The following UROS variants were observed in gnomAD, a reference collection of about 807,000 sequenced individuals.
UROS encodes the protein uroporphyrinogen-III synthase.
In UROS, 18 loss-of-function variants were observed where a neutral mutation model predicts 33.0. The observed-to-expected ratio is 0.55, with a 90% confidence interval of 0.38 to 0.81. The LOEUF (loss-of-function observed/expected upper bound fraction) is 0.81, where lower values mean the gene tolerates loss of function less well. Among genes scored for constraint, UROS ranks in the 30% least tolerant of loss-of-function variants. The pLI, the probability that UROS is intolerant of heterozygous loss-of-function variation, is 0.00. For missense variants in UROS, 293 were observed against 314.9 expected (o/e 0.93, Z 0.53); for synonymous variants, 114 against 121.1 (o/e 0.94, Z 0.38).
At chr10:125,806,529 T>C (rs939337423) in intron 6 of UROS, among the ~76,000 whole-genome samples, 4 of 152,236 alleles carry the variant, frequency 2.6e-5, no homozygotes. Flanking sequence ...TTATTTCCTA[T>C]GGCTGCTCTC....
intron 8 of UROS, among the ~76,000 whole-genome samples, chr10:125,795,529 CATT>C (rs1851280135): frequency 1.3e-5 from 2 of 152,172 alleles, no homozygotes; most frequent in South Asian, 4.1e-4. Context: ...AAGAGCTATC[CATT>C]CTCCTGCCTG....
At chr10:125,817,761 G>C (rs747856085) in intron 1 of UROS, among the ~76,000 whole-genome samples, 1 of 152,130 alleles carries the variant, frequency 6.6e-6, no homozygotes, top group Non-Finnish European at 1.5e-5. Flanking sequence ...GAATTGCTAC[G>C]TGGCAGAGCT....
chr10:125,806,385 G>C (rs547789086), intron 6 of UROS, among the ~76,000 whole-genome samples: 1 of 152,134 alleles, frequency 6.6e-6, no homozygotes, highest in South Asian at 2.1e-4. Context: ...CCTCTCCTGG[G>C]ACCACCTTAG....
At chr10:125,794,219 T>G in intron 9 of UROS, 2 of 546,518 alleles carry the variant, frequency 3.7e-6, no homozygotes, top group Non-Finnish European at 4.7e-6. Flanking sequence ...GTGCTCCATC[T>G]TTAAAACTGG....
chr10:125,804,911 G>C (rs1441169737), intron 6 of UROS, among the ~76,000 whole-genome samples: 1 of 152,204 alleles, frequency 6.6e-6, no homozygotes, highest in Non-Finnish European at 1.5e-5. Context: ...GACAGGAATG[G>C]AGTTAAACTC....
chr10:125,791,569 T>A, intron 9 of UROS: 1 of 152,066 alleles, frequency 6.6e-6, no homozygotes, highest in Non-Finnish European at 1.5e-5. Context: ...TGGAAAACAA[T>A]CCAAATATCC....
chr10:125,785,213 A>G (rs575500847), downstream of UROS: 39 of 152,296 alleles, frequency 2.6e-4, no homozygotes, highest in Middle Eastern at 3.4e-3. Context: ...TCTTTCCCCA[A>G]TGTCATCTCA....
downstream of UROS, among the ~76,000 whole-genome samples, chr10:125,787,285 C>G (rs147632496): frequency 2.3e-3 from 356 of 152,318 alleles, no homozygotes; most frequent in Non-Finnish European, 3.8e-3. Flanking sequence ...TTTTCCTCCT[C>G]CTTCAATGTG....
At chr10:125,815,872 G>A (rs1268921453) in intron 3 of UROS, among the ~76,000 whole-genome samples, 1 of 152,174 alleles carries the variant, frequency 6.6e-6, no homozygotes, top group East Asian at 1.9e-4. Context: ...GTGAGGGGTA[G>A]ATTAAATGAG....
intron 4 of UROS, 144 bp downstream of exon 4, chr10:125,814,890 G>A: frequency 1.1e-6 from 1 of 941,652 alleles, no homozygotes; most frequent in Non-Finnish European, 1.7e-6. Context: ...CTGTTCTCCT[G>A]TTTCCCAAGG....
downstream of UROS, among the ~76,000 whole-genome samples, chr10:125,787,306 G>A (rs1313327675): frequency 6.6e-6 from 1 of 151,990 alleles, no homozygotes; most frequent in African/African-American, 2.4e-5. Context: ...TGCTTCCGAA[G>A]CCCACACATC....
At chr10:125,790,088 C>T (rs1019183499) in intron 9 of UROS, among the ~76,000 whole-genome samples, 2 of 152,198 alleles carry the variant, frequency 1.3e-5, no homozygotes, top group Non-Finnish European at 2.9e-5. Flanking sequence ...TGCATAACCT[C>T]GGATGCTGCG....
intron 5 of UROS, among the ~76,000 whole-genome samples, chr10:125,811,016 C>A (rs1360731328): frequency 6.6e-6 from 1 of 152,192 alleles, no homozygotes; most frequent in African/African-American, 2.4e-5. Context: ...CAAGGCCCTG[C>A]TGCTTGTGCT....
Position 125,807,397 on chromosome 10 carries a change from A to T in UROS, c.394+16T>A, listed in dbSNP as rs1344024355. On this transcript the variant is annotated intron_variant, in intron 6 of 9. Transcript: ENST00000368797. ...AAAATAAATGGCTTCATTTGGAGTGATGTTTTTCTACTTACTGGAACAAAT... is the reference window on the plus strand; with the variant it reads ...AAAATAAATGGCTTCATTTGGAGTGTTGTTTTTCTACTTACTGGAACAAAT... The T allele has an allele frequency of 6.2e-7, 1 of 1,610,868 alleles. No homozygotes were observed. Among genetic ancestry groups the T allele is most frequent in the Non-Finnish European group, 8.5e-7 (1 of 1,177,334 alleles).
chr10:125,822,172 C>T (rs1440205907), intron 1 of UROS, among the ~76,000 whole-genome samples: 1 of 152,192 alleles, frequency 6.6e-6, no homozygotes, highest in Non-Finnish European at 1.5e-5. Context: ...CTGTTTCTCT[C>T]GCAATGGGAA....
chr10:125,819,248 T>C (rs951209513), intron 1 of UROS, among the ~76,000 whole-genome samples: 2 of 152,322 alleles, frequency 1.3e-5, no homozygotes, highest in Middle Eastern at 3.4e-3. Context: ...TCCCAAAGTG[T>C]TGAGATTACA....
chr10:125,812,368 C>G, intron 4 of UROS, 80 bp from the exon 5 acceptor site: 1 of 1,312,798 alleles, frequency 7.6e-7, no homozygotes, highest in Non-Finnish European at 1.1e-6. Context: ...CTTGTTCACC[C>G]TAAGAAACTG....
intron 9 of UROS, chr10:125,791,671 T>C (rs980391168): frequency 6.6e-6 from 1 of 152,212 alleles, no homozygotes; most frequent in African/African-American, 2.4e-5. Context: ...AGCTACAGCA[T>C]GGATGAACCT....
chr10:125,807,239 A>G, intron 6 of UROS, 174 bp downstream of exon 6: 1 of 647,640 alleles, frequency 1.5e-6, no homozygotes, highest in African/African-American at 1.8e-5. Flanking sequence ...AACCTCACAA[A>G]GTATAGACAT....
Sources: allele counts gnomAD v4.1 joint callset (sites outside exome capture counted in the v4.1 genomes callset), GRCh38; gene constraint gnomAD v4.1.1; transcripts MANE v1.5; gene names NCBI Gene and HGNC (gene_info 2026-07-23, HGNC 2026-07-21).